The following CLOCK variants were observed in gnomAD, a reference collection of about 807,000 sequenced individuals.
The protein encoded by CLOCK is circadian locomoter output cycles protein kaput.
CLOCK carries 43 observed loss-of-function variants against 118.4 expected under a neutral mutation model. The observed-to-expected ratio is 0.36, with a 90% confidence interval of 0.28 to 0.47. The LOEUF is 0.47. CLOCK is among the 20% of genes least tolerant of loss of function. The probability of loss-of-function intolerance (pLI) is 1.00; values close to 1 mark genes in which losing one functional copy is unlikely to be tolerated. For synonymous variants in CLOCK, 326 were observed against 339.2 expected (o/e 0.96, Z 0.43); for missense variants, 846 against 999.9 (o/e 0.85, Z 2.08).
chr4:55,505,446 T>TA (rs1174734192), intron 2 of CLOCK, among the ~76,000 whole-genome samples: 3 of 151,610 alleles, frequency 2.0e-5, no homozygotes, highest in African/African-American at 7.3e-5. Flanking sequence ...GGCAGATCGT[T>TA]AGAGCTCAGG....
At chr4:55,536,742 T>C (rs184617284) in intron 1 of CLOCK, among the ~76,000 whole-genome samples, 2 of 152,170 alleles carry the variant, frequency 1.3e-5, no homozygotes, top group African/African-American at 2.4e-5. Context: ...CCCTAGCCTA[T>C]CTGCATAGAA....
At chr4:55,482,175 G>A (rs188174839) in intron 4 of CLOCK, among the ~76,000 whole-genome samples, 154 of 152,144 alleles carry the variant, frequency 1.0e-3, no homozygotes, top group African/African-American at 3.3e-3. Context: ...CTGAGGTTTG[G>A]TGTACCAATG....
intron 8 of CLOCK, among the ~76,000 whole-genome samples, chr4:55,470,466 A>G (rs927203190): frequency 1.3e-5 from 2 of 152,200 alleles, no homozygotes; most frequent in Non-Finnish European, 2.9e-5. Flanking sequence ...ATGTTCACAC[A>G]GTGACAAAAG....
At chr4:55,482,005 T>C (rs1726966896) in intron 4 of CLOCK, among the ~76,000 whole-genome samples, 1 of 152,246 alleles carries the variant, frequency 6.6e-6, no homozygotes, top group African/African-American at 2.4e-5. Flanking sequence ...CACTATTTTA[T>C]GTGCCCTTAA....
At chr4:55,478,642 C>T (rs1005641286) in intron 6 of CLOCK, among the ~76,000 whole-genome samples, 173 bp downstream of exon 6, 9 of 152,108 alleles carry the variant, frequency 5.9e-5, no homozygotes, top group African/African-American at 1.9e-4. Context: ...ATGTAGTAGG[C>T]ACGGAATAAA....
chr4:55,445,355 C>A (rs945652970), intron 18 of CLOCK, among the ~76,000 whole-genome samples: 3 of 152,124 alleles, frequency 2.0e-5, no homozygotes, highest in African/African-American at 7.2e-5. Context: ...AGTACCCCAG[C>A]TGATGGCTTC....
chr4:55,479,331 TAAAC>T (rs1467999634), intron 5 of CLOCK, among the ~76,000 whole-genome samples: 2 of 152,244 alleles, frequency 1.3e-5, no homozygotes, highest in East Asian at 1.9e-4. Flanking sequence ...CAGTAACCAG[TAAAC>T]AAACAGCTAT....
chr4:55,477,174 C>G (rs1163923968), intron 6 of CLOCK, among the ~76,000 whole-genome samples: 2 of 151,778 alleles, frequency 1.3e-5, no homozygotes, highest in Non-Finnish European at 2.9e-5. Flanking sequence ...TTTACCTTAA[C>G]AGAAATACTA....
intron 2 of CLOCK, among the ~76,000 whole-genome samples, chr4:55,497,653 T>C (rs763571907): frequency 5.3e-5 from 8 of 152,330 alleles, no homozygotes; most frequent in Admixed American, 2.6e-4. Flanking sequence ...TTAAAGGGAA[T>C]TGGAAAATAA....
chr4:55,435,563 G>A lies in CLOCK; in HGVS notation c.2393C>T (p.Thr798Ile), dbSNP rs1722811072. Residue 798 changes from threonine (T) to isoleucine (I), a missense_variant, in exon 23 of 23, where the codon ACT becomes ATT. By Grantham distance (89) the Thr-to-Ile change is moderately conservative. Around this residue, in one of 4 missense-constraint regions of CLOCK, gnomAD observed 520 missense variants for 558.0 expected, o/e 0.93. Transcript: ENST00000513440. ...TSRLLHGNPS[T>I]QLILSAAFPL... is the part of the protein sequence containing the mutation. ...AAATGCAGCAGAGAGAATGAGTTGA[G>A]TTGAGGGATTCCCATGGAGCAACCT... is the stretch of plus-strand genomic sequence containing the variant. 6.2e-7 allele frequency: 1 copy of A among 1,614,008 alleles called. No individual in the cohort carries two copies.
At chr4:55,519,203 C>T (rs1729702777) in intron 1 of CLOCK, among the ~76,000 whole-genome samples, 1 of 152,086 alleles carries the variant, frequency 6.6e-6, no homozygotes, top group African/African-American at 2.4e-5. Context: ...AGGCACAAAC[C>T]ACTATACCCA....
At chr4:55,478,793 T>C (rs1248561156) in intron 6 of CLOCK, 22 bp downstream of exon 6, 11 of 1,608,848 alleles carry the variant, frequency 6.8e-6, no homozygotes, top group Non-Finnish European at 9.3e-6. Context: ...GTCTGTTCCA[T>C]TTTACAGAGT....
At chr4:55,452,817 T>A (rs1245243072) in intron 15 of CLOCK, 2 of 393,108 alleles carry the variant, frequency 5.1e-6, no homozygotes, top group African/African-American at 2.0e-5. Flanking sequence ...GACTAGTACA[T>A]CACTGGGAAT....
chr4:55,483,437 T>C (rs966754630), intron 3 of CLOCK, among the ~76,000 whole-genome samples: 1 of 152,214 alleles, frequency 6.6e-6, no homozygotes, highest in African/African-American at 2.4e-5. Flanking sequence ...TCTTTTTTAA[T>C]GCAAATATGG....
At chr4:55,495,334 C>T (rs930754598) in intron 2 of CLOCK, among the ~76,000 whole-genome samples, 3 of 152,146 alleles carry the variant, frequency 2.0e-5, no homozygotes, top group African/African-American at 7.2e-5. Context: ...TACTTGCTCC[C>T]AGCTGTAACC....
chr4:55,479,833 C>A (rs1359159174), intron 4 of CLOCK, 134 bp from the exon 5 acceptor site: 2 of 683,610 alleles, frequency 2.9e-6, no homozygotes, highest in East Asian at 5.4e-5. Context: ...AAACTACTAA[C>A]CTATTTCCTA....
chr4:55,472,653 T>C (rs557359948), intron 7 of CLOCK, among the ~76,000 whole-genome samples: 1 of 152,262 alleles, frequency 6.6e-6, no homozygotes, highest in African/African-American at 2.4e-5. Context: ...CAGTATATAA[T>C]TTATAGAGCT....
Position 55,470,805 on chromosome 4 carries a change from G to T in CLOCK, c.350C>A (p.Ala117Asp). 6.2e-7 allele frequency: 1 copy of T among 1,601,606 alleles called. No homozygotes were observed. Among genetic ancestry groups the T allele is most frequent in the Non-Finnish European group, 8.5e-7 (1 of 1,170,318 alleles). ...GATTGCTAAAAAAAAACCATCAAGA[G>T]CCTGAAATTAAACATAATGATATGT... The part of the protein sequence containing the change: ...NEEFTQLMLE[A>D]LDGFFLAIMT... The change falls in exon 8 of 23, where the codon GCT becomes GAT. Residue 117 changes from alanine (A) to aspartate (D), a missense_variant and splice_region_variant. Ala to Asp is a moderately radical substitution (Grantham distance 126, BLOSUM62 -2). This residue lies in a region of CLOCK where 246 missense variants were observed against 300.2 expected (regional missense o/e 0.82). Transcript: ENST00000513440.
intron 1 of CLOCK, among the ~76,000 whole-genome samples, chr4:55,538,471 T>G (rs1188684764): frequency 2.0e-5 from 3 of 152,162 alleles, no homozygotes; most frequent in Non-Finnish European, 4.4e-5. Context: ...AAAGATTATT[T>G]TGACAAAAAG....
Sources: gnomAD v4.1 joint callset for allele counts (sites outside exome capture counted in the v4.1 genomes callset) on GRCh38, gnomAD v4.1.1 for gene constraint, gnomAD v4.1.1 regional missense constraint, MANE v1.5 for transcripts, NCBI Gene and HGNC (gene_info 2026-07-23, HGNC 2026-07-21) for gene names.